RNF130: variants seen among roughly 807,000 people sequenced by gnomAD.
The protein encoded by RNF130 is ring finger protein 130, also known as E3 ubiquitin-protein ligase RNF130.
RNF130 carries 21 observed loss-of-function variants against 44.6 expected under a neutral mutation model. That is an observed-to-expected ratio of 0.47 (90% CI 0.33 to 0.68). The LOEUF is 0.68. Among genes scored for constraint, RNF130 ranks in the 30% least tolerant of loss-of-function variants. The pLI is 0.02. For missense variants in RNF130, 479 were observed against 560.6 expected (o/e 0.85, Z 1.47); for synonymous variants, 214 against 210.4 (o/e 1.02, Z -0.15).
chr5:179,989,173 T>C (rs543126207), intron 3 of RNF130, among the ~76,000 whole-genome samples: 2 of 152,204 alleles, frequency 1.3e-5, no homozygotes, highest in Admixed American at 6.5e-5. Context: ...CTTATAAAAC[T>C]ATCCCATCAG....
chr5:179,951,661 T>G (rs947749848), downstream of RNF130, among the ~76,000 whole-genome samples: 1 of 152,200 alleles, frequency 6.6e-6, no homozygotes, highest in African/African-American at 2.4e-5. Flanking sequence ...ATAGACCATG[T>G]TAGGTCGTAA....
intron 3 of RNF130, among the ~76,000 whole-genome samples, chr5:179,992,210 C>T (rs1192294719): frequency 2.0e-5 from 3 of 152,156 alleles, no homozygotes; most frequent in Admixed American, 6.5e-5. Flanking sequence ...GGCACGATCT[C>T]GGCTCACTGT....
intron 3 of RNF130, among the ~76,000 whole-genome samples, chr5:180,005,256 C>T (rs561781786): frequency 6.6e-6 from 1 of 152,232 alleles, no homozygotes; most frequent in South Asian, 2.1e-4. Flanking sequence ...GGCGAAACCC[C>T]GTCTCTACTA....
chr5:179,986,574 G>A (rs1762956824), intron 3 of RNF130, among the ~76,000 whole-genome samples: 1 of 152,160 alleles, frequency 6.6e-6, no homozygotes, highest in Admixed American at 6.5e-5. Context: ...AGTGGACACT[G>A]GCAACACTGG....
At chr5:179,929,423 G>A (rs1433077377) in intron 7 of RNF130, among the ~76,000 whole-genome samples, 4 of 152,126 alleles carry the variant, frequency 2.6e-5, no homozygotes, top group Non-Finnish European at 5.9e-5. Flanking sequence ...AAATGTTCTT[G>A]TTATTCTTAG....
chr5:179,999,117 G>C (rs1207733351), intron 3 of RNF130, among the ~76,000 whole-genome samples: 1 of 151,724 alleles, frequency 6.6e-6, no homozygotes, highest in South Asian at 2.1e-4. Context: ...CTGCCTTGCA[G>C]GTTCAAGCGA....
intron 1 of RNF130, among the ~76,000 whole-genome samples, chr5:180,063,364 C>G (rs1030903818): frequency 1.3e-5 from 2 of 152,082 alleles, no homozygotes; most frequent in Non-Finnish European, 2.9e-5. Context: ...GAATGTGAGC[C>G]AAAGAAGCAA....
At chr5:180,005,844 T>C (rs1763452966) in intron 3 of RNF130, among the ~76,000 whole-genome samples, 1 of 152,186 alleles carries the variant, frequency 6.6e-6, no homozygotes, top group African/African-American at 2.4e-5. Flanking sequence ...CATTGAAATA[T>C]TTACTGAGGC....
chr5:180,032,652 T>TA (rs1266314464), intron 2 of RNF130, among the ~76,000 whole-genome samples: 1 of 152,232 alleles, frequency 6.6e-6, no homozygotes, highest in Non-Finnish European at 1.5e-5. Flanking sequence ...ACCGTAAAGA[T>TA]ATTTATTTCT....
exon 8 of RNF130, chr5:179,918,901 T>C (rs1561657470): frequency 1.3e-5 from 2 of 152,164 alleles, no homozygotes; most frequent in Admixed American, 6.5e-5. Context: ...AAAGACACTT[T>C]AGGAGAAGCT....
chr5:179,999,181 C>A (rs958859821), intron 3 of RNF130, among the ~76,000 whole-genome samples: 1 of 151,482 alleles, frequency 6.6e-6, no homozygotes, highest in African/African-American at 2.4e-5. Flanking sequence ...ATCACCATGC[C>A]GGGCTGATTT....
intron 7 of RNF130, among the ~76,000 whole-genome samples, chr5:179,927,727 C>G (rs1408909197): frequency 6.6e-6 from 1 of 151,548 alleles, no homozygotes; most frequent in Non-Finnish European, 1.5e-5. Flanking sequence ...TATGGGACTA[C>G]AGGTGCCCGC....
intron 6 of RNF130, among the ~76,000 whole-genome samples, chr5:179,968,438 G>T (rs887333047): frequency 6.6e-5 from 10 of 152,076 alleles, no homozygotes; most frequent in Non-Finnish European, 1.5e-4. Context: ...GGCCGAGAAG[G>T]GCAGATCACT....
At position 179,937,933 on chromosome 5, in the gene RNF130, T is replaced by TGAGAGAGAGA. The variant is rs3078901; in HGVS notation, c.1151-17517_1151-17508dup. The stretch of plus-strand genomic sequence containing the variant: ...GTGTGTGTGTGTGTGTGTGTGTGTG[T>TGAGAGAGAGA]GAGAGAGAGAGAGAGAGAGAGAGAG... On this transcript the variant is annotated intron_variant, in intron 7 of 7. Coordinates refer to the RNF130 transcript ENST00000522208. Among the ~76,000 whole-genome samples, 10 of 116,292 alleles carry TGAGAGAGAGA rather than the reference T, an allele frequency of 8.6e-5. No individual in the cohort carries two copies. In the East Asian group the frequency reaches 9.9e-4, roughly 11 times the overall value. 76.3% of individuals were successfully genotyped at this position (116,292 alleles called of 152,430 possible). A position where few individuals can be genotyped will look rare whatever the true frequency, so the allele number is the denominator to read the frequency against.
At chr5:180,018,720 C>A (rs1473480340) in intron 2 of RNF130, among the ~76,000 whole-genome samples, 1 of 152,222 alleles carries the variant, frequency 6.6e-6, no homozygotes, top group Non-Finnish European at 1.5e-5. Context: ...TCGCCCCCTG[C>A]CCACTGCTCA....
At chr5:179,912,360 T>C (rs1761478671) in exon 8 of RNF130, 1 of 152,282 alleles carries the variant, frequency 6.6e-6, no homozygotes, top group Non-Finnish European at 1.5e-5. Flanking sequence ...TCTCATTTCC[T>C]AGCTTGGAGC....
At chr5:179,972,126 T>A (rs1344612034) in intron 5 of RNF130, among the ~76,000 whole-genome samples, 1 of 152,192 alleles carries the variant, frequency 6.6e-6, no homozygotes, top group Non-Finnish European at 1.5e-5. Context: ...TCGTAGCCTC[T>A]GTGTGTGGAG....
intron 8 of RNF130, among the ~76,000 whole-genome samples, chr5:179,962,788 C>T (rs1332099625): frequency 1.3e-5 from 2 of 152,172 alleles, no homozygotes; most frequent in Non-Finnish European, 2.9e-5. Flanking sequence ...GACATCCAGC[C>T]TCTGCCTACA....
chr5:180,062,970 T>C (rs981429935), intron 1 of RNF130, among the ~76,000 whole-genome samples: 5 of 152,152 alleles, frequency 3.3e-5, no homozygotes, highest in Admixed American at 2.6e-4. Flanking sequence ...ATAGAAGCCC[T>C]GGGAACTGAA....
Sources: allele counts gnomAD v4.1 joint callset (sites outside exome capture counted in the v4.1 genomes callset), GRCh38; gene constraint gnomAD v4.1.1; transcripts MANE v1.5; gene names NCBI Gene and HGNC (gene_info 2026-07-23, HGNC 2026-07-21).